NRG1: variants seen among roughly 807,000 people sequenced by gnomAD.
The protein encoded by NRG1 is neuregulin 1, also known as pro-neuregulin-1, membrane-bound isoform.
A neutral mutation model predicts 63.8 loss-of-function variants in NRG1; 18 were observed. That is an observed-to-expected ratio of 0.28 (90% CI 0.19 to 0.42). The LOEUF (loss-of-function observed/expected upper bound fraction) is 0.42, where lower values mean the gene tolerates loss of function less well. NRG1 is among the 10% of genes least tolerant of loss of function. The pLI is 1.00. For synonymous variants in NRG1, 302 were observed against 301.3 expected (o/e 1.00, Z -0.02); for missense variants, 762 against 814.7 (o/e 0.94, Z 0.79).
intron 1 of NRG1, among the ~76,000 whole-genome samples, chr8:32,013,027 A>C (rs1814993862): frequency 6.6e-6 from 1 of 152,126 alleles, no homozygotes; most frequent in Admixed American, 6.6e-5. Flanking sequence ...GGGAATTTTC[A>C]GTGAATGGCT....
At chr8:31,989,255 A>AAAAAAAAAAAAAAAAAAAAAAAAAAAAAC (rs1810633973) in intron 1 of NRG1, among the ~76,000 whole-genome samples, 1 of 145,528 alleles carries the variant, frequency 6.9e-6, no homozygotes, top group African/African-American at 2.5e-5. Flanking sequence ...CTCTGTCTCA[A>AAAAAAAAAAAAAAAAAAAAAAAAAAAAAC]AAAAAAAAAA....
rs554042623 is a variant in NRG1 at position 32,742,375 on chromosome 8, A to G, written c.633-300A>G. ...TGTGACCAAAGCCATCATATGGAAA[A>G]CTGAGATGAATAAAACATCGGATTT... On this transcript the variant is annotated intron_variant, in intron 6 of 11. Transcript: ENST00000356819. This position sits in a 1 kb window ranked among gnomAD's most constrained non-coding sequence, Gnocchi z 4.2. Among the ~76,000 whole-genome samples, 1 of 152,234 alleles carries G rather than the reference A, an allele frequency of 6.6e-6. No homozygotes were observed. Among genetic ancestry groups the G allele is most frequent in the Admixed American group, 6.5e-5 (1 of 15,272 alleles).
chr8:32,658,307 G>A (rs1406416629), intron 5 of NRG1, among the ~76,000 whole-genome samples: 2 of 152,036 alleles, frequency 1.3e-5, no homozygotes, highest in Non-Finnish European at 2.9e-5. Flanking sequence ...TATCTATTTT[G>A]GATTGAAATC....
intron 1 of NRG1, among the ~76,000 whole-genome samples, chr8:32,308,156 A>G (rs565584016): frequency 6.6e-6 from 1 of 152,196 alleles, no homozygotes; most frequent in Non-Finnish European, 1.5e-5. Context: ...CTAACTAGGA[A>G]ACTTGATGGT....
chr8:32,685,596 G>A (rs1037757850), intron 5 of NRG1, among the ~76,000 whole-genome samples: 2 of 152,152 alleles, frequency 1.3e-5, no homozygotes, highest in Non-Finnish European at 2.9e-5. Flanking sequence ...CATGTATAGT[G>A]TGTCAGCAAC....
chr8:32,725,376 C>A (rs1033851410), intron 5 of NRG1, among the ~76,000 whole-genome samples: 1 of 151,762 alleles, frequency 6.6e-6, no homozygotes, highest in Non-Finnish European at 1.5e-5. Flanking sequence ...AGCAAGGATA[C>A]CCTGCTCCAT....
chr8:32,336,906 G>A (rs1803342278), intron 1 of NRG1, among the ~76,000 whole-genome samples: 2 of 151,712 alleles, frequency 1.3e-5, no homozygotes, highest in East Asian at 2.0e-4. Flanking sequence ...CACTGTGCCC[G>A]GCCTAGAGTG....
Position 32,332,805 on chromosome 8 carries a change from G to A in NRG1, c.38-263023G>A, listed in dbSNP as rs141066910. 3.9e-3 allele frequency among the ~76,000 whole-genome samples: 599 copies of A among 152,244 alleles called. 2 individuals carry two copies. The highest frequency in any genetic ancestry group is 5.1e-3 in the Non-Finnish European group (348 of 68,026). ...AGGCCTCTCTGTCATATGCAAGCTC[G>A]TCTGTTTTGCTCAGAAGACTGTGTT... On this transcript the variant is annotated intron_variant, in intron 1 of 10. Transcript: ENST00000519301.
At chr8:31,839,005 T>G (rs1995467) in intron 1 of NRG1, among the ~76,000 whole-genome samples, 1 of 151,962 alleles carries the variant, frequency 6.6e-6, no homozygotes, top group Non-Finnish European at 1.5e-5. Flanking sequence ...TCCCTTGAAA[T>G]GTAGTGCTGG....
At chr8:32,194,508 T>C (rs964247924) in intron 1 of NRG1, among the ~76,000 whole-genome samples, 1 of 152,084 alleles carries the variant, frequency 6.6e-6, no homozygotes, top group Non-Finnish European at 1.5e-5. Flanking sequence ...CCTATTTCCA[T>C]GTACTATTAG....
At chr8:31,774,284 C>T (rs1818907021) in intron 1 of NRG1, among the ~76,000 whole-genome samples, 1 of 152,158 alleles carries the variant, frequency 6.6e-6, no homozygotes, top group African/African-American at 2.4e-5. Context: ...CATGTAATCA[C>T]TCCCTCATTC....
intron 1 of NRG1, among the ~76,000 whole-genome samples, chr8:32,359,720 C>T (rs1806964830): frequency 6.6e-6 from 1 of 152,084 alleles, no homozygotes; most frequent in Non-Finnish European, 1.5e-5. Context: ...GGAATCTGAA[C>T]TGAGAGAAAG....
chr8:32,520,592 A>C (rs1830246203), intron 1 of NRG1, among the ~76,000 whole-genome samples: 1 of 152,214 alleles, frequency 6.6e-6, no homozygotes, highest in Non-Finnish European at 1.5e-5. Flanking sequence ...AGAACAACAA[A>C]TGACATTTAC....
At chr8:31,982,496 A>G (rs191019236) in intron 1 of NRG1, among the ~76,000 whole-genome samples, 85 of 152,206 alleles carry the variant, frequency 5.6e-4, no homozygotes, top group Admixed American at 4.9e-3. Context: ...AATACAGTCC[A>G]TGACTATAGA....
In NRG1 at chr8:32,175,356, C is replaced by T. The variant is rs186484826; in HGVS notation, c.38-420472C>T. On this transcript the variant is annotated intron_variant, in intron 1 of 10. Coordinates refer to the NRG1 transcript ENST00000519301. ...TCAAAATAATAAGAACTATCTATGA[C>T]AAACCCATAGCCAATATCATACTGA... Among the ~76,000 whole-genome samples, 16 of 152,268 alleles carry T rather than the reference C, an allele frequency of 1.1e-4. No individual in the cohort carries two copies. The East Asian group carries it at 2.3e-3, about 22-fold the overall frequency.
chr8:32,121,499 A>C (rs972242997), intron 1 of NRG1, among the ~76,000 whole-genome samples: 1 of 151,852 alleles, frequency 6.6e-6, no homozygotes, highest in Non-Finnish European at 1.5e-5. Flanking sequence ...TGCTTTATTG[A>C]ATGTCACTCT....
At chr8:32,537,077 T>G (rs1232252124) in intron 1 of NRG1, among the ~76,000 whole-genome samples, 2 of 151,084 alleles carry the variant, frequency 1.3e-5, no homozygotes, top group Non-Finnish European at 3.0e-5. Context: ...TAGTGGCGCA[T>G]GCCAGCTACT....
chr8:32,312,608 G>A lies in NRG1; in HGVS notation c.38-283220G>A, dbSNP rs2129476039. ...CATTTGCTCCATGTCACTGAGGCAG[G>A]ACAGCCCTGTGTGGCTCCATTCCCA... On this transcript the variant is annotated intron_variant, in intron 1 of 10. Transcript: ENST00000519301. 1.3e-5 allele frequency among the ~76,000 whole-genome samples: 2 copies of A among 152,164 alleles called. 1 individual carries two copies. Among genetic ancestry groups the A allele is most frequent in the South Asian group, 4.2e-4 (2 of 4,818 alleles).
At chr8:32,123,952 CT>C (rs1418082458) in intron 1 of NRG1, among the ~76,000 whole-genome samples, 2 of 151,744 alleles carry the variant, frequency 1.3e-5, no homozygotes, top group African/African-American at 2.4e-5. Flanking sequence ...AAATTTATTT[CT>C]TTTGTTCTCA....
Sources: gnomAD v4.1 joint callset for allele counts (sites outside exome capture counted in the v4.1 genomes callset) on GRCh38, gnomAD v4.1.1 for gene constraint, Gnocchi (gnomAD v3.1) non-coding constraint, MANE v1.5 for transcripts, NCBI Gene and HGNC (gene_info 2026-07-23, HGNC 2026-07-21) for gene names.